Variants in PIEZO2 observed in about 807,000 individuals in gnomAD.
The protein encoded by PIEZO2 is piezo-type mechanosensitive ion channel component 2.
Under a neutral mutation model 337.3 loss-of-function variants are expected in PIEZO2, and 172 were observed. That is an observed-to-expected ratio of 0.51 (90% CI 0.45 to 0.58). PIEZO2 has a LOEUF of 0.58. Ranked by LOEUF, PIEZO2 falls within the 20% of genes least tolerant of loss-of-function variation. The pLI is 0.00. For missense variants in PIEZO2, 3,028 were observed against 3,391.3 expected (o/e 0.89, Z 2.66); for synonymous variants, 1,251 against 1,228.5 (o/e 1.02, Z -0.38).
chr18:10,994,414 TTTTG>T, intron 2 of PIEZO2, among the ~76,000 whole-genome samples: 1 of 151,494 alleles, frequency 6.6e-6, no homozygotes. Flanking sequence ...TTTTTTTTTT[TTTTG>T]ATACTGAGTC....
At chr18:11,103,968 G>A (rs1046396063) in intron 1 of PIEZO2, among the ~76,000 whole-genome samples, 8 of 152,140 alleles carry the variant, frequency 5.3e-5, no homozygotes, top group African/African-American at 1.9e-4. Flanking sequence ...TGGAACTACA[G>A]GCACGCACCA....
At chr18:10,717,090 CTT>C (rs915459814) in intron 37 of PIEZO2, among the ~76,000 whole-genome samples, 2 of 152,192 alleles carry the variant, frequency 1.3e-5, no homozygotes, top group African/African-American at 4.8e-5. Flanking sequence ...CAACTCTACT[CTT>C]TAGTGGTTCT....
intron 13 of PIEZO2, 110 bp from the exon 14 acceptor site, chr18:10,791,434 C>G: frequency 8.2e-7 from 1 of 1,213,188 alleles, no homozygotes; most frequent in Non-Finnish European, 1.1e-6. Flanking sequence ...AATAAATAAA[C>G]CTTTTTATTG....
chr18:11,053,305 T>A (rs1407291466), intron 2 of PIEZO2, among the ~76,000 whole-genome samples: 1 of 152,224 alleles, frequency 6.6e-6, no homozygotes, highest in East Asian at 1.9e-4. Context: ...GCAAATTTCA[T>A]ATTTCTTTAC....
chr18:10,748,322 G>T lies in PIEZO2; in HGVS notation c.4424+149C>A. 1.3e-6 allele frequency: 1 copy of T among 760,748 alleles called. No homozygotes were observed. The highest frequency in any genetic ancestry group is 2.1e-6 in the Non-Finnish European group (1 of 481,370). The allele number at this position is 760,748 out of a possible 1,614,324, so 47.1% of individuals were successfully genotyped here. On this transcript the variant is annotated intron_variant, in intron 30 of 55. Coordinates refer to ENST00000674853, the MANE Select transcript of PIEZO2 (RefSeq NM_001378183.1). This position sits in a 1 kb window ranked among gnomAD's most constrained non-coding sequence, Gnocchi z 5.1. ...GTTACTATTCTATTTTACAGGCCTT[G>T]TGCTAAATTCTTCTTGGATTGGTTT...
Position 10,724,908 on chromosome 18 carries a change from G to A in PIEZO2, c.5029+6499C>T. 1.2e-6 allele frequency: 2 copies of A among 1,609,234 alleles called. No individual in the cohort carries two copies. Among genetic ancestry groups the A allele is most frequent in the Non-Finnish European group, 1.7e-6 (2 of 1,178,098 alleles). On this transcript the variant is annotated intron_variant, in intron 36 of 55. Coordinates refer to ENST00000674853, the MANE Select transcript of PIEZO2 (RefSeq NM_001378183.1). This position sits in a 1 kb window ranked among gnomAD's most constrained non-coding sequence, Gnocchi z 5.8. Reference sequence around the variant, plus strand: ...CTGGCCGGCGGGGGCGTGGCACCCTGGGACAGCCTCCACCTGGACGGCGAT... The same window carrying A: ...CTGGCCGGCGGGGGCGTGGCACCCTAGGACAGCCTCCACCTGGACGGCGAT...
intron 3 of PIEZO2, among the ~76,000 whole-genome samples, chr18:10,947,298 C>G (rs2033076689): frequency 6.6e-6 from 1 of 152,070 alleles, no homozygotes; most frequent in Admixed American, 6.6e-5. Flanking sequence ...AATGACATTT[C>G]AAATTAGAAT....
chr18:10,985,440 C>A (rs1040121310), intron 2 of PIEZO2, among the ~76,000 whole-genome samples: 5 of 152,004 alleles, frequency 3.3e-5, no homozygotes, highest in Non-Finnish European at 7.4e-5. Context: ...ATTGAAGAGA[C>A]TTCCCTTTCC....
At chr18:11,147,465 A>G (rs2048803201) in intron 1 of PIEZO2, among the ~76,000 whole-genome samples, 1 of 152,226 alleles carries the variant, frequency 6.6e-6, no homozygotes, top group African/African-American at 2.4e-5. Flanking sequence ...GATTGCTTGC[A>G]CAAAGAAAAC....
intron 36 of PIEZO2, among the ~76,000 whole-genome samples, chr18:10,722,583 G>A (rs2036363948): frequency 6.6e-6 from 1 of 151,882 alleles, no homozygotes; most frequent in Admixed American, 6.6e-5. Flanking sequence ...GGGAAATTTA[G>A]ACCCATTTGA....
chr18:10,818,899 C>T (rs1453131580), intron 7 of PIEZO2, among the ~76,000 whole-genome samples: 1 of 152,126 alleles, frequency 6.6e-6, no homozygotes, highest in Non-Finnish European at 1.5e-5. Context: ...GAATTATTGG[C>T]TTCATTTTAA....
chr18:10,902,725 T>A (rs2043081285), intron 4 of PIEZO2, among the ~76,000 whole-genome samples: 1 of 152,098 alleles, frequency 6.6e-6, no homozygotes, highest in African/African-American at 2.4e-5. Flanking sequence ...CTTAAGAGAG[T>A]TTACCACTGA....
chr18:10,777,566 G>A (rs960296303), intron 18 of PIEZO2, among the ~76,000 whole-genome samples: 9 of 152,156 alleles, frequency 5.9e-5, no homozygotes, highest in South Asian at 2.1e-4. Flanking sequence ...TGACAGGGAC[G>A]CTCAAAGAGG....
chr18:10,702,243 G>A, intron 42 of PIEZO2, 72 bp from the exon 43 acceptor site: 1 of 1,379,430 alleles, frequency 7.2e-7, no homozygotes, highest in Non-Finnish European at 9.6e-7. Context: ...ATGGGAAAGA[G>A]CAATATAACA....
rs35472040 is a variant in PIEZO2, at chr18:11,017,482, C to CTTT, written c.161-37825_161-37823dup. Among the ~76,000 whole-genome samples the CTTT allele has an allele frequency of 7.1e-3, 1,011 of 141,478 alleles. 12 individuals carry two copies. Among genetic ancestry groups the CTTT allele is most frequent in the African/African-American group, 0.024 (937 of 38,776 alleles). 92.8% of individuals were successfully genotyped at this position (141,478 alleles called of 152,430 possible). A position where few individuals can be genotyped will look rare whatever the true frequency, so the allele number is the denominator to read the frequency against. On this transcript the variant is annotated intron_variant, in intron 2 of 55. Coordinates refer to ENST00000674853, the MANE Select transcript of PIEZO2 (RefSeq NM_001378183.1). ...CTTTTTTTTTTGAGATGCAGTTTTG[C>CTTT]TTTTTTTTTTTTTACTGGGTATGTA...
chr18:11,000,222 C>T (rs1473537863), intron 2 of PIEZO2, among the ~76,000 whole-genome samples: 3 of 152,300 alleles, frequency 2.0e-5, no homozygotes, highest in South Asian at 4.1e-4. Flanking sequence ...CCACTGCATG[C>T]CTTCAAGTGG....
At chr18:10,907,312 G>A (rs1257051293) in intron 4 of PIEZO2, among the ~76,000 whole-genome samples, 1 of 151,950 alleles carries the variant, frequency 6.6e-6, no homozygotes, top group South Asian at 2.1e-4. Context: ...GTGTGATGGC[G>A]GGTGCATGTA....
At position 10,762,586 on chromosome 18, in the gene PIEZO2, T is replaced by C. The variant is rs1278387107; in HGVS notation, c.3163A>G (p.Asn1055Asp). The C allele has an allele frequency of 6.5e-7, 1 of 1,537,544 alleles. No individual in the cohort carries two copies. Among genetic ancestry groups the C allele is most frequent in the Non-Finnish European group, 8.7e-7 (1 of 1,146,970 alleles). The change falls in exon 23 of 56, where the codon AAC (asparagine) becomes GAC (aspartate). Residue 1055 changes from asparagine to aspartate, a missense_variant. By Grantham distance (23) the Asn-to-Asp change is conservative (BLOSUM62 1). This residue lies in a region of PIEZO2 where 1,925 missense variants were observed against 2,051.9 expected (regional missense o/e 0.94). Coordinates refer to ENST00000674853, the MANE Select transcript of PIEZO2 (RefSeq NM_001378183.1). Reference protein sequence around the residue: ...NQTNIPFNELNKSLLYSAPID... With the variant: ...NQTNIPFNELDKSLLYSAPID... ...GGAGCGCTGTAGAGCAGAGACTTGT[T>C]CAACTCATTAAAGGGGATGTTTGTT...
intron 4 of PIEZO2, among the ~76,000 whole-genome samples, chr18:10,883,857 C>T: frequency 7.5e-6 from 1 of 133,098 alleles, no homozygotes; most frequent in Non-Finnish European, 1.5e-5. Flanking sequence ...GTCGCCTAGG[C>T]TGGAGTGCAG....
Sources: allele counts gnomAD v4.1 joint callset (sites outside exome capture counted in the v4.1 genomes callset), GRCh38; gene constraint gnomAD v4.1.1; regional missense constraint gnomAD v4.1.1; non-coding constraint Gnocchi (gnomAD v3.1); transcripts MANE v1.5; gene names NCBI Gene and HGNC (gene_info 2026-07-23, HGNC 2026-07-21).